FAM171B: variants seen among roughly 807,000 people sequenced by gnomAD.
FAM171B encodes family with sequence similarity 171 member B, also known as protein FAM171B.
In FAM171B, 19 loss-of-function variants were observed where a neutral mutation model predicts 75.6. The ratio of observed to expected loss-of-function variants is 0.25; its 90% CI spans 0.18 to 0.37. The LOEUF (loss-of-function observed/expected upper bound fraction) is 0.37. FAM171B is among the 10% of genes least tolerant of loss of function. FAM171B has a pLI of 1.00. For missense variants in FAM171B, 848 were observed against 982.4 expected (o/e 0.86, Z 1.83); for synonymous variants, 367 against 361.7 (o/e 1.01, Z -0.17).
At chr2:186,718,474 C>T (rs918040817) in intron 1 of FAM171B, among the ~76,000 whole-genome samples, 1 of 152,184 alleles carries the variant, frequency 6.6e-6, no homozygotes, top group African/African-American at 2.4e-5. Flanking sequence ...AATTCAGTCT[C>T]AATTATTTCC....
intron 1 of FAM171B, among the ~76,000 whole-genome samples, chr2:186,710,453 C>T (rs1200800175): frequency 6.6e-6 from 1 of 152,310 alleles, no homozygotes; most frequent in East Asian, 1.9e-4. Flanking sequence ...CACTTCTATA[C>T]TCATCCAACT....
chr2:186,706,166 A>C (rs192292065), intron 1 of FAM171B, among the ~76,000 whole-genome samples: 1 of 152,306 alleles, frequency 6.6e-6, no homozygotes, highest in Non-Finnish European at 1.5e-5. Context: ...GGTTGTTAGT[A>C]ATTCCCAAAG....
At chr2:186,733,081 T>C (rs1482005591) in intron 1 of FAM171B, among the ~76,000 whole-genome samples, 1 of 152,202 alleles carries the variant, frequency 6.6e-6, no homozygotes, top group Non-Finnish European at 1.5e-5. Flanking sequence ...TCATATCTGA[T>C]TACCGACTGT....
chr2:186,702,077 G>A (rs12621915), intron 1 of FAM171B, among the ~76,000 whole-genome samples: 20,772 of 152,240 alleles, frequency 0.14, 1,801 homozygotes, highest in Middle Eastern at 0.24. Context: ...GTGTGGTCAT[G>A]AAATGCAGTC....
chr2:186,727,731 G>A (rs535679009), intron 1 of FAM171B, among the ~76,000 whole-genome samples: 48 of 152,150 alleles, frequency 3.2e-4, no homozygotes, highest in South Asian at 6.2e-4. Context: ...AGCCTAAAAC[G>A]TTAGAAAACA....
At chr2:186,736,538 C>CTGGGTGTGTG (rs1553511470) in intron 1 of FAM171B, among the ~76,000 whole-genome samples, 2 of 122,944 alleles carry the variant, frequency 1.6e-5, no homozygotes, top group African/African-American at 6.1e-5. Context: ...ATGTTTGTGG[C>CTGGGTGTGTG]TGTGTGTGTG....
At position 186,763,456 on chromosome 2, in the gene FAM171B, T is replaced by G. The variant is rs952735983; in HGVS notation, c.*633T>G. On this transcript the variant is annotated 3_prime_UTR_variant, in exon 8 of 8. Transcript: ENST00000304698. The stretch of plus-strand genomic sequence containing the variant: ...GAGGGAGACACCAGCTCTTTGGTTG[T>G]TTTTGGATATAACTTTACAAAATAA... 6.6e-6 allele frequency: 1 copy of G among 152,128 alleles called. No homozygotes were observed. The highest frequency in any genetic ancestry group is 6.6e-5 in the Admixed American group (1 of 15,256). 9.4% of individuals were successfully genotyped at this position (152,128 alleles called of 1,614,324 possible).
In FAM171B at chr2:186,751,158, C is replaced by G. The variant is rs779368274; in HGVS notation, c.749C>G (p.Pro250Arg). ...KPGFENIELT[P>R]LAAICVKIYS... ...GGTTTTGAAAACATTGAATTGACTCCTCTTGCTGCAATATGTGTGAAAATA... is the reference window on the plus strand; with the variant it reads ...GGTTTTGAAAACATTGAATTGACTCGTCTTGCTGCAATATGTGTGAAAATA... Residue 250 changes from proline (P) to arginine (R), a missense_variant, in exon 5 of 8, where the codon CCT (proline) becomes CGT (arginine). Transcript: ENST00000304698. 20 of 1,605,230 alleles carry G rather than the reference C, an allele frequency of 1.2e-5. No individual in the cohort carries two copies. The highest frequency in any genetic ancestry group is 1.7e-5 in the Non-Finnish European group (20 of 1,174,372).
intron 2 of FAM171B, among the ~76,000 whole-genome samples, chr2:186,742,136 A>G (rs926796485): frequency 6.6e-6 from 1 of 152,180 alleles, no homozygotes; most frequent in Non-Finnish European, 1.5e-5. Flanking sequence ...AATATTATTA[A>G]TGATTGTTCC....
chr2:186,710,372 A>C (rs1689793914), intron 1 of FAM171B, among the ~76,000 whole-genome samples: 1 of 152,192 alleles, frequency 6.6e-6, no homozygotes, highest in Non-Finnish European at 1.5e-5. Context: ...GCAATGTATA[A>C]ATCTGTTTAA....
At chr2:186,741,398 T>C (rs1181636718) in intron 2 of FAM171B, among the ~76,000 whole-genome samples, 1 of 151,988 alleles carries the variant, frequency 6.6e-6, no homozygotes, top group Non-Finnish European at 1.5e-5. Context: ...GTCATAAACA[T>C]AAAAAGCAAC....
At chr2:186,736,875 C>T (rs1042541061) in intron 1 of FAM171B, among the ~76,000 whole-genome samples, 11 of 151,938 alleles carry the variant, frequency 7.2e-5, no homozygotes, top group African/African-American at 2.7e-4. Flanking sequence ...GTTCTTGATA[C>T]AAATTTTGGG....
rs376683240 is a variant in FAM171B at position 186,762,058 on chromosome 2, A to G, written c.1716A>G (p.Gln572=). Residue 572 remains glutamine, a synonymous_variant, in exon 8 of 8, where the codon CAA becomes CAG. Transcript: ENST00000304698. This position sits in a 1 kb window ranked among gnomAD's most constrained non-coding sequence, Gnocchi z 4.0. Reference sequence around the variant, plus strand: ...GAAAGGGACAGTTAGTCTATGGCCAATTGATGGAACCAGTAAATCGAGAGA... The same window carrying G: ...GAAAGGGACAGTTAGTCTATGGCCAGTTGATGGAACCAGTAAATCGAGAGA... The part of the protein sequence containing the change: ...LPRKGQLVYG[Q]LMEPVNRENF... 12 of 1,613,646 alleles carry G rather than the reference A, an allele frequency of 7.4e-6. No individual in the cohort carries two copies. In the East Asian group the frequency reaches 2.0e-4, roughly 27 times the overall value.
chr2:186,715,268 T>C (rs1384605089), intron 1 of FAM171B, among the ~76,000 whole-genome samples: 1 of 152,142 alleles, frequency 6.6e-6, no homozygotes, highest in Non-Finnish European at 1.5e-5. Flanking sequence ...AGTGGCACAA[T>C]CACAGCTCAC....
At chr2:186,701,274 G>A (rs1689656571) in intron 1 of FAM171B, among the ~76,000 whole-genome samples, 1 of 151,962 alleles carries the variant, frequency 6.6e-6, no homozygotes, top group Non-Finnish European at 1.5e-5. Context: ...TATTTTAATA[G>A]GCTTATACAT....
chr2:186,743,380 C>A (rs557846140), intron 2 of FAM171B, 103 bp from the exon 3 acceptor site: 56 of 696,286 alleles, frequency 8.0e-5, no homozygotes, highest in East Asian at 5.6e-4. Context: ...TTTGTTCCCC[C>A]CCACAACACA....
chr2:186,749,974 A>G (rs980054589), intron 4 of FAM171B, among the ~76,000 whole-genome samples: 1 of 152,166 alleles, frequency 6.6e-6, no homozygotes, highest in Non-Finnish European at 1.5e-5. Flanking sequence ...ATTTGATAGG[A>G]ATTATTATGA....
At chr2:186,751,721 T>C (rs1574112244) in intron 5 of FAM171B, among the ~76,000 whole-genome samples, 1 of 152,192 alleles carries the variant, frequency 6.6e-6, no homozygotes, top group East Asian at 1.9e-4. Flanking sequence ...AGTAATTGTT[T>C]TTCCAAAGAA....
intron 1 of FAM171B, among the ~76,000 whole-genome samples, chr2:186,726,672 A>G (rs1268220852): frequency 6.6e-6 from 1 of 152,144 alleles, no homozygotes; most frequent in East Asian, 1.9e-4. Flanking sequence ...CTTTGCCAGG[A>G]TACATTTGCC....
Sources: allele counts gnomAD v4.1 joint callset (sites outside exome capture counted in the v4.1 genomes callset), GRCh38; gene constraint gnomAD v4.1.1; non-coding constraint Gnocchi (gnomAD v3.1); transcripts MANE v1.5; gene names NCBI Gene and HGNC (gene_info 2026-07-23, HGNC 2026-07-21).